DDR1: variants seen among roughly 807,000 people sequenced by gnomAD.
DDR1 encodes discoidin domain receptor tyrosine kinase 1, also known as epithelial discoidin domain-containing receptor 1.
In DDR1, 64 loss-of-function variants were observed where a neutral mutation model predicts 97.4. The ratio of observed to expected loss-of-function variants is 0.66; its 90% CI spans 0.54 to 0.81. The LOEUF is 0.81. DDR1 is among the 30% of genes least tolerant of loss of function. The pLI, the probability that DDR1 is intolerant of heterozygous loss-of-function variation, is 0.00. For missense variants in DDR1, 990 were observed against 1,259.6 expected (o/e 0.79, Z 3.24); for synonymous variants, 458 against 503.7 (o/e 0.91, Z 1.21).
At position 30,897,129 on chromosome 6, in the gene DDR1, C is replaced by A. The variant is rs772179437; in HGVS notation, c.1985C>A (p.Thr662Asn). The change falls in exon 14 of 18, where the codon ACC becomes AAC. Residue 662 changes from threonine (T) to asparagine (N), a missense_variant. Physicochemically the swap from Thr to Asn is moderately conservative, Grantham distance 65. Transcript: ENST00000376568. This position sits in a 1 kb window ranked among gnomAD's most constrained non-coding sequence, Gnocchi z 5.2. ...VAVKILRPDA[T>N]KNARNDFLKE... is the part of the protein sequence containing the mutation. ...GTCAAGATCTTACGGCCAGATGCCA[C>A]CAAGAATGCCAGGTGAGGACCAGGG... 2.5e-6 allele frequency: 4 copies of A among 1,613,590 alleles called. No homozygotes were observed. The highest frequency in any genetic ancestry group is 3.3e-5 in the Admixed American group (2 of 59,940).
At position 30,890,483 on chromosome 6, in the gene DDR1, C is replaced by A; in HGVS notation, c.418-490C>A. 6.4e-6 allele frequency: 1 copy of A among 156,806 alleles called. No homozygotes were observed. The highest frequency in any genetic ancestry group is 1.4e-5 in the Non-Finnish European group (1 of 71,412). The allele number at this position is 156,806 out of a possible 1,614,324, so 9.7% of individuals were successfully genotyped here. On this transcript the variant is annotated intron_variant, in intron 4 of 17. Transcript: ENST00000376568. This position sits in a 1 kb window ranked among gnomAD's most constrained non-coding sequence, Gnocchi z 5.0. The stretch of plus-strand genomic sequence containing the variant: ...TCACTGCTCTGTCCATACTTCCTGC[C>A]TCTTGTTCTTCGCAGCTGTTTTCCC...
At chr6:30,885,397 G>T in intron 1 of DDR1, 1 of 905,166 alleles carries the variant, frequency 1.1e-6, no homozygotes, top group Non-Finnish European at 1.6e-6. Flanking sequence ...AGGTGAAAGG[G>T]GAGTGAGTGG....
In DDR1 at chr6:30,895,491, G is replaced by T; in HGVS notation, c.1601G>T (p.Trp534Leu). Residue 534 changes from tryptophan (W) to leucine (L), a missense_variant, in exon 12 of 18, where the codon TGG (tryptophan) becomes TTG (leucine). Transcript: ENST00000376568. ...PRGPGPPTPAWAKPTNTQAYS... is the reference protein window; with the variant it reads ...PRGPGPPTPALAKPTNTQAYS... ...GGCCCGGGCCCCCCCACACCCGCCTGGGCCAAACCCACCAACACCCAGGGT... is the reference window on the plus strand; with the variant it reads ...GGCCCGGGCCCCCCCACACCCGCCTTGGCCAAACCCACCAACACCCAGGGT... 6.2e-7 allele frequency: 1 copy of T among 1,601,412 alleles called. No homozygotes were observed.
chr6:30,885,278 C>A (rs1317057239), intron 1 of DDR1: 3 of 1,528,598 alleles, frequency 2.0e-6, no homozygotes, highest in East Asian at 2.5e-5. Flanking sequence ...TGGCTCTTGG[C>A]TGAACATTTC....
rs1285387866 is a variant in DDR1, at chr6:30,888,048, C to T, written c.-42-640C>T. Among the ~76,000 whole-genome samples, 2 of 152,158 alleles carry T rather than the reference C, an allele frequency of 1.3e-5. No individual in the cohort carries two copies. The highest frequency in any genetic ancestry group is 2.9e-5 in the Non-Finnish European group (2 of 68,032). On this transcript the variant is annotated intron_variant, in intron 1 of 17. Transcript: ENST00000376568. This position sits in a 1 kb window ranked among gnomAD's most constrained non-coding sequence, Gnocchi z 4.2. ...TTCTGCCATTGAGCATGGTGCCTCC[C>T]TTTTCATCACTTTCTACCACTTTTA... is the stretch of plus-strand genomic sequence containing the variant.
Position 30,892,180 on chromosome 6 carries a change from G to A in DDR1, c.844G>A (p.Ala282Thr), listed in dbSNP as rs2150349232. The A allele has an allele frequency of 6.2e-7, 1 of 1,614,170 alleles. No individual in the cohort carries two copies. Among genetic ancestry groups the A allele is most frequent in the Non-Finnish European group, 8.5e-7 (1 of 1,179,996 alleles). The change falls in exon 7 of 18, where the codon GCT (alanine) becomes ACT (threonine). Residue 282 changes from alanine to threonine, a missense_variant. Ala to Thr is a moderately conservative substitution (Grantham distance 58). Coordinates refer to ENST00000376568, the MANE Select transcript of DDR1 (RefSeq NM_001297654.2). ...GTTTGACCGGCTGAGGGCCTTCCAG[G>A]CTATGCAGGTGAGTGAGTCCGGCTC... is the stretch of plus-strand genomic sequence containing the variant. ...FEFDRLRAFQ[A>T]MQVHCNNMHT... is the part of the protein sequence containing the mutation.
chr6:30,885,808 T>C, intron 1 of DDR1: 1 of 1,289,956 alleles, frequency 7.8e-7, no homozygotes, highest in Admixed American at 2.3e-5. Flanking sequence ...TTACAGCCAG[T>C]TCAGTAAGTT....
rs765984970 is a variant in DDR1 at position 30,897,499 on chromosome 6, C to T, written c.2118C>T (p.Asn706=). ...GCATGATTACTGACTACATGGAGAA[C>T]GGCGACCTCAACCAGTTCCTCAGTG... is the stretch of plus-strand genomic sequence containing the variant. ...PLCMITDYME[N]GDLNQFLSAH... is the part of the protein sequence containing the mutation. Residue 706 remains asparagine (N), a synonymous_variant, in exon 15 of 18, where the codon AAC becomes AAT. Transcript: ENST00000376568. The surrounding 1 kb of genome is among the most constrained non-coding windows in gnomAD (Gnocchi z 5.2). 100 of 1,613,978 alleles carry T rather than the reference C, an allele frequency of 6.2e-5. No individual in the cohort carries two copies. The highest frequency in any genetic ancestry group is 1.5e-4 in the South Asian group (14 of 91,090).
intron 8 of DDR1, chr6:30,892,850 A>C: frequency 1.7e-6 from 1 of 592,214 alleles, no homozygotes; most frequent in Non-Finnish European, 2.9e-6. Flanking sequence ...GCCTCCAGAT[A>C]CCTGTCCTCC....
intron 16 of DDR1, 60 bp downstream of exon 16, chr6:30,898,367 C>T: frequency 8.1e-7 from 1 of 1,239,526 alleles, no homozygotes; most frequent in Non-Finnish European, 1.2e-6. Flanking sequence ...CTGGCCGCCA[C>T]TCACAGCCCT....
intron 12 of DDR1, 52 bp from the exon 13 acceptor site, chr6:30,896,569 C>A (rs1790843669): frequency 3.8e-6 from 6 of 1,579,974 alleles, no homozygotes; most frequent in Non-Finnish European, 4.3e-6. Context: ...AACTATAGCT[C>A]TTGGGCTGTT....
chr6:30,897,307 G>T lies in DDR1; in HGVS notation c.1998-72G>T. On this transcript the variant is annotated intron_variant, in intron 14 of 17. Coordinates refer to ENST00000376568, the MANE Select transcript of DDR1 (RefSeq NM_001297654.2). This position sits in a 1 kb window ranked among gnomAD's most constrained non-coding sequence, Gnocchi z 5.2. ...GCCTGGTCTGCCTGAGGTGGGGCAG[G>T]GGGGTGGGGGCGCGGGGGAAGGTGC... 1.3e-6 allele frequency: 2 copies of T among 1,484,294 alleles called. No individual in the cohort carries two copies. Among genetic ancestry groups the T allele is most frequent in the Non-Finnish European group, 1.8e-6 (2 of 1,095,290 alleles). 91.9% of individuals were successfully genotyped at this position (1,484,294 alleles called of 1,614,324 possible).
rs199975727 is a variant in DDR1, at chr6:30,895,431, G to A, written c.1541G>A (p.Arg514His). The A allele has an allele frequency of 1.1e-5, 18 of 1,609,612 alleles. No homozygotes were observed. Among genetic ancestry groups the A allele is most frequent in the Middle Eastern group, 1.7e-4 (1 of 6,050 alleles). Residue 514 changes from arginine (R) to histidine (H), a missense_variant, in exon 12 of 18, where the codon CGC becomes CAC. Coordinates refer to ENST00000376568, the MANE Select transcript of DDR1 (RefSeq NM_001297654.2). ...TTGCTGCTCTCCAATCCAGCCTACC[G>A]CCTCCTTCTGGCCACTTACGCCCGT... ...SALLLSNPAYRLLLATYARPP... is the reference protein window; with the variant it reads ...SALLLSNPAYHLLLATYARPP...
Position 30,894,552 on chromosome 6 carries a change from T to C in DDR1, c.1394T>C (p.Val465Ala), listed in dbSNP as rs1789963675. The C allele has an allele frequency of 6.2e-7, 1 of 1,613,122 alleles. No individual in the cohort carries two copies. The highest frequency in any genetic ancestry group is 1.3e-5 in the African/African-American group (1 of 74,886). Residue 465 changes from valine to alanine, a missense_variant, in exon 11 of 18, where the codon GTC becomes GCC. Val to Ala is a moderately conservative substitution (Grantham distance 64). Transcript: ENST00000376568. The surrounding 1 kb of genome is among the most constrained non-coding windows in gnomAD (Gnocchi z 5.7). ...LEEELTVHLS[V>A]PGDTILINNR... is the part of the protein sequence containing the mutation. Reference sequence around the variant, plus strand: ...GAGGAGCTGACGGTTCACCTCTCTGTCCCTGGGGACACTATCCTCATCAAC... The same window carrying C: ...GAGGAGCTGACGGTTCACCTCTCTGCCCCTGGGGACACTATCCTCATCAAC...
chr6:30,893,066 A>G lies in DDR1; in HGVS notation c.1100-2A>G. The G allele has an allele frequency of 6.2e-7, 1 of 1,611,642 alleles. No homozygotes were observed. Among genetic ancestry groups the G allele is most frequent in the Non-Finnish European group, 8.5e-7 (1 of 1,179,296 alleles). On this transcript the variant is annotated splice_acceptor_variant, in intron 8 of 17. Transcript: ENST00000376568. LOFTEE classifies it high-confidence loss of function. ...TCCTTTCTTTTTGTTCCTTCTCCCC[A>G]GATGTGGTGAACAATTCCTCTCCGG... is the stretch of plus-strand genomic sequence containing the variant.
intron 8 of DDR1, 37 bp from the exon 9 acceptor site, chr6:30,893,031 T>G: frequency 6.4e-7 from 1 of 1,571,162 alleles, no homozygotes; most frequent in Non-Finnish European, 8.7e-7. Context: ...CTCCTCCTCA[T>G]TTACCTCCCT....
upstream of DDR1, chr6:30,883,172 C>A (rs974686995): frequency 1.3e-5 from 2 of 152,306 alleles, no homozygotes; most frequent in Non-Finnish European, 2.9e-5. This position sits in a 1 kb window ranked among gnomAD's most constrained non-coding sequence, Gnocchi z 4.9. Flanking sequence ...CCTGGTAGTG[C>A]TTTTGTGTAC....
In DDR1 at chr6:30,897,609, C is replaced by A. The variant is rs147708689; in HGVS notation, c.2216+12C>A. ...GGGCCCACCATCAGGTACCTGCTTA[C>A]CCAGGCTGGGCCTTGCTCAGAATTC... On this transcript the variant is annotated intron_variant, in intron 15 of 17. Transcript: ENST00000376568. The surrounding 1 kb of genome is among the most constrained non-coding windows in gnomAD (Gnocchi z 5.2). 18,914 of 1,601,206 alleles carry A rather than the reference C, an allele frequency of 0.012. 116 individuals carry two copies. Among genetic ancestry groups the A allele is most frequent in the South Asian group, 0.016 (1,480 of 90,674 alleles).
rs368543890 is a variant in DDR1, at chr6:30,898,164, C to T, written c.2308C>T (p.Arg770Trp). The T allele has an allele frequency of 1.2e-5, 20 of 1,614,242 alleles. No homozygotes were observed. Among genetic ancestry groups the T allele is most frequent in the Admixed American group, 3.3e-5 (2 of 60,036 alleles). ...CTTTGTACATCGGGACCTGGCCACG[C>T]GGAACTGCCTAGTTGGGGAAAATTT... The part of the protein sequence containing the change: ...LNFVHRDLAT[R>W]NCLVGENFTI... The change falls in exon 16 of 18, where the codon CGG becomes TGG. Residue 770 changes from arginine (R) to tryptophan (W), a missense_variant. Coordinates refer to ENST00000376568, the MANE Select transcript of DDR1 (RefSeq NM_001297654.2).
Sources: allele counts gnomAD v4.1 joint callset (sites outside exome capture counted in the v4.1 genomes callset), GRCh38; gene constraint gnomAD v4.1.1; non-coding constraint Gnocchi (gnomAD v3.1); transcripts MANE v1.5; gene names NCBI Gene and HGNC (gene_info 2026-07-23, HGNC 2026-07-21).